Variants in AGBL4 observed in about 807,000 individuals in gnomAD.
AGBL4 encodes AGBL carboxypeptidase 4, also known as cytosolic carboxypeptidase 6.
In AGBL4, 58 loss-of-function variants were observed where a neutral mutation model predicts 66.4. The ratio of observed to expected loss-of-function variants is 0.87; its 90% CI spans 0.71 to 1.09. AGBL4 has a LOEUF of 1.09. Ranked by LOEUF, AGBL4 falls within the 50% of genes least tolerant of loss-of-function variation. The pLI is 0.00. For missense variants in AGBL4, 579 were observed against 631.0 expected, an observed-to-expected ratio of 0.92 and a Z score of 0.88; for synonymous variants, 234 against 222.9, an observed-to-expected ratio of 1.05 and a Z score of -0.44.
At chr1:49,926,589 A>ATCTGTC (rs1652801073) in intron 1 of AGBL4, among the ~76,000 whole-genome samples, 2 of 152,234 alleles carry the variant, frequency 1.3e-5, no homozygotes, top group African/African-American at 4.8e-5. Context: ...AGGGACAAAG[A>ATCTGTC]TGAGACCTTT....
intron 6 of AGBL4, among the ~76,000 whole-genome samples, chr1:48,700,132 C>G (rs1570290589): frequency 6.6e-6 from 1 of 152,160 alleles, no homozygotes; most frequent in South Asian, 2.1e-4. Context: ...TTGCCTCCAC[C>G]TAGAAGGTGC....
At chr1:49,806,808 C>T (rs989450058) in intron 2 of AGBL4, among the ~76,000 whole-genome samples, 8 of 152,152 alleles carry the variant, frequency 5.3e-5, no homozygotes, top group Non-Finnish European at 7.3e-5. Context: ...CCCACATACT[C>T]GCTGGCCAGT....
intron 5 of AGBL4, among the ~76,000 whole-genome samples, chr1:48,985,159 T>C (rs1379284762): frequency 1.3e-5 from 2 of 152,066 alleles, no homozygotes; most frequent in Non-Finnish European, 2.9e-5. Context: ...CACTGTGAGA[T>C]GGAAAACTAA....
intron 5 of AGBL4, among the ~76,000 whole-genome samples, chr1:48,942,343 T>C (rs1050205114): frequency 6.6e-6 from 1 of 151,984 alleles, no homozygotes; most frequent in African/African-American, 2.4e-5. Context: ...AGAATATGGC[T>C]TTAGAGCCAG....
At chr1:49,918,862 G>A (rs570890258) in intron 1 of AGBL4, among the ~76,000 whole-genome samples, 1 of 152,262 alleles carries the variant, frequency 6.6e-6, no homozygotes, top group African/African-American at 2.4e-5. Flanking sequence ...AAATCCAGCA[G>A]CACCTCAAAA....
chr1:49,365,580 T>C (rs1224643054), intron 3 of AGBL4, among the ~76,000 whole-genome samples: 1 of 151,502 alleles, frequency 6.6e-6, no homozygotes, highest in Non-Finnish European at 1.5e-5. Flanking sequence ...TAATGACTTA[T>C]TATTATCATT....
intron 3 of AGBL4, among the ~76,000 whole-genome samples, chr1:49,374,604 T>C (rs1340757264): frequency 6.6e-6 from 1 of 152,158 alleles, no homozygotes; most frequent in Non-Finnish European, 1.5e-5. Flanking sequence ...GAGTCAAATG[T>C]AGTGCTCTCA....
intron 6 of AGBL4, among the ~76,000 whole-genome samples, chr1:48,785,096 C>A (rs1645379498): frequency 6.6e-6 from 1 of 152,156 alleles, no homozygotes; most frequent in Non-Finnish European, 1.5e-5. Flanking sequence ...TCAGGAAAGT[C>A]CTCCCTGACT....
chr1:49,868,585 T>TA (rs1281438242), intron 1 of AGBL4, among the ~76,000 whole-genome samples: 1 of 152,132 alleles, frequency 6.6e-6, no homozygotes, highest in Non-Finnish European at 1.5e-5. Context: ...ACTCCTACCT[T>TA]ACACCTTATA....
At chr1:49,481,123 G>A (rs752510808) in intron 3 of AGBL4, among the ~76,000 whole-genome samples, 5 of 151,912 alleles carry the variant, frequency 3.3e-5, no homozygotes, top group Non-Finnish European at 7.4e-5. Context: ...GGTTCTTTTC[G>A]GTTCCACATG....
At chr1:49,741,482 A>T (rs905190949) in intron 2 of AGBL4, among the ~76,000 whole-genome samples, 1 of 152,090 alleles carries the variant, frequency 6.6e-6, no homozygotes, top group African/African-American at 2.4e-5. Flanking sequence ...ACAAGAGGAG[A>T]TGGTACCATT....
At chr1:49,541,967 C>G (rs1037616045) in intron 3 of AGBL4, among the ~76,000 whole-genome samples, 14 of 152,204 alleles carry the variant, frequency 9.2e-5, no homozygotes, top group African/African-American at 3.4e-4. Flanking sequence ...CCAATCAGCA[C>G]TCTGTGCCCA....
chr1:48,995,734 G>A (rs3118220), intron 5 of AGBL4, among the ~76,000 whole-genome samples: 101,278 of 152,074 alleles, frequency 0.67, 34,231 homozygotes, highest in African/African-American at 0.73. Context: ...GGGTGACAGA[G>A]AGAAGGTCAT....
rs1181341913 is a variant in AGBL4, at chr1:49,735,528, C to CA, written c.158-38092dup. ...TAATACCCATTTCAAACTCTTATATCAAAAAATATAAGATAAAAAAATGCA... is the reference window on the plus strand; with the variant it reads ...TAATACCCATTTCAAACTCTTATATCAAAAAAATATAAGATAAAAAAATGCA... On this transcript the variant is annotated intron_variant, in intron 2 of 13. Transcript: ENST00000371839. Among the ~76,000 whole-genome samples, 10 of 151,452 alleles carry CA rather than the reference C, an allele frequency of 6.6e-5. No individual in the cohort carries two copies. The East Asian group carries it at 1.9e-3, about 29-fold the overall frequency.
intron 3 of AGBL4, among the ~76,000 whole-genome samples, chr1:49,466,518 C>G (rs1646634717): frequency 6.6e-6 from 1 of 151,814 alleles, no homozygotes; most frequent in African/African-American, 2.4e-5. Flanking sequence ...AGTGCCGAAA[C>G]CATCAGCCCT....
intron 1 of AGBL4, among the ~76,000 whole-genome samples, chr1:49,969,993 T>A (rs1336849792): frequency 6.6e-6 from 1 of 152,130 alleles, no homozygotes; most frequent in African/African-American, 2.4e-5. Context: ...GAATACATGA[T>A]GGGGAAAGAG....
chr1:49,815,469 C>T (rs910897310), intron 2 of AGBL4, among the ~76,000 whole-genome samples: 4 of 152,160 alleles, frequency 2.6e-5, no homozygotes, highest in Non-Finnish European at 5.9e-5. Flanking sequence ...AACAGTGCTA[C>T]AACAAATATG....
At chr1:49,930,628 T>C (rs921912504) in intron 1 of AGBL4, among the ~76,000 whole-genome samples, 1 of 152,120 alleles carries the variant, frequency 6.6e-6, no homozygotes, top group South Asian at 2.1e-4. Flanking sequence ...TGGTTTAACA[T>C]TCAAAAATCA....
At chr1:49,877,611 T>A (rs1239396729) in intron 1 of AGBL4, among the ~76,000 whole-genome samples, 5 of 152,102 alleles carry the variant, frequency 3.3e-5, no homozygotes, top group Non-Finnish European at 5.9e-5. Context: ...GATATTGGTC[T>A]AAAATTCTCT....
Sources: allele counts gnomAD v4.1 joint callset (sites outside exome capture counted in the v4.1 genomes callset), GRCh38; gene constraint gnomAD v4.1.1; transcripts MANE v1.5; gene names NCBI Gene and HGNC (gene_info 2026-07-23, HGNC 2026-07-21).